The following SYT1 variants were observed in gnomAD, a reference collection of about 807,000 sequenced individuals.
SYT1 encodes the protein synaptotagmin 1.
A neutral mutation model predicts 44.8 loss-of-function variants in SYT1; 8 were observed. The ratio of observed to expected loss-of-function variants is 0.18; its 90% CI spans 0.10 to 0.32. The LOEUF (loss-of-function observed/expected upper bound fraction) is 0.32. SYT1 is among the 10% of genes least tolerant of loss of function. SYT1 has a pLI of 1.00. For missense variants in SYT1, 286 were observed against 509.3 expected (o/e 0.56, Z 4.22); for synonymous variants, 154 against 188.8 (o/e 0.82, Z 1.51).
At chr12:79,365,855 G>A (rs1043972051) in intron 9 of SYT1, among the ~76,000 whole-genome samples, 1 of 83,030 alleles carries the variant, frequency 1.2e-5, no homozygotes, top group Non-Finnish European at 2.1e-5. Flanking sequence ...AAAAAAGCAG[G>A]TCATTAGCTT....
chr12:79,027,278 C>G (rs560338323), intron 2 of SYT1, among the ~76,000 whole-genome samples: 20 of 151,554 alleles, frequency 1.3e-4, no homozygotes, highest in Admixed American at 5.9e-4. Context: ...GGCTCTCCTC[C>G]CTGTCTCCTG....
intron 3 of SYT1, among the ~76,000 whole-genome samples, chr12:79,092,568 G>T (rs1877851107): frequency 6.6e-6 from 1 of 150,840 alleles, no homozygotes; most frequent in Admixed American, 6.6e-5. Context: ...AAACAAAAAA[G>T]TCATAAAATC....
chr12:79,350,030 A>C (rs1269584300), intron 8 of SYT1, among the ~76,000 whole-genome samples: 2 of 152,122 alleles, frequency 1.3e-5, no homozygotes, highest in African/African-American at 4.8e-5. Flanking sequence ...CACTGAGGAA[A>C]TGAAAATATT....
At chr12:78,907,859 C>CT (rs1876085379) in intron 1 of SYT1, among the ~76,000 whole-genome samples, 1 of 151,966 alleles carries the variant, frequency 6.6e-6, no homozygotes, top group African/African-American at 2.4e-5. Flanking sequence ...ATCAAGATGA[C>CT]TGTTTGTACA....
At chr12:79,021,901 T>C (rs996117027) in intron 2 of SYT1, among the ~76,000 whole-genome samples, 1 of 151,338 alleles carries the variant, frequency 6.6e-6, no homozygotes, top group Non-Finnish European at 1.5e-5. Context: ...GTACGCCCCC[T>C]TTTTTTTGAA....
intron 4 of SYT1, among the ~76,000 whole-genome samples, chr12:79,242,094 C>T (rs911810108): frequency 7.2e-5 from 11 of 152,206 alleles, no homozygotes; most frequent in Non-Finnish European, 1.5e-4. Flanking sequence ...CTTGAAGCCC[C>T]TAAAACTGTG....
chr12:79,388,251 G>A (rs1172057726), intron 9 of SYT1, among the ~76,000 whole-genome samples: 3 of 152,172 alleles, frequency 2.0e-5, no homozygotes, highest in Admixed American at 1.3e-4. Context: ...TAGTTTTCTA[G>A]TTCCTTGGTC....
At chr12:79,291,124 A>G (rs1879560483) in intron 5 of SYT1, among the ~76,000 whole-genome samples, 1 of 152,244 alleles carries the variant, frequency 6.6e-6, no homozygotes, top group Non-Finnish European at 1.5e-5. Flanking sequence ...AGAGCATTTG[A>G]ATGAAACTTA....
chr12:78,888,609 T>A (rs1874875310), intron 1 of SYT1, among the ~76,000 whole-genome samples: 1 of 151,962 alleles, frequency 6.6e-6, no homozygotes, highest in Non-Finnish European at 1.5e-5. Flanking sequence ...TCTTTTCTAA[T>A]CTTGTTGGAG....
chr12:79,424,876 G>A (rs549318162), intron 9 of SYT1, among the ~76,000 whole-genome samples: 19 of 146,698 alleles, frequency 1.3e-4, no homozygotes, highest in African/African-American at 4.3e-4. Flanking sequence ...ATTAATCATT[G>A]CCCTGCTCCT....
intron 1 of SYT1, among the ~76,000 whole-genome samples, chr12:78,962,033 A>G (rs1479774224): frequency 6.6e-6 from 1 of 151,970 alleles, no homozygotes; most frequent in Non-Finnish European, 1.5e-5. Context: ...TTGTTGTTTT[A>G]TAGGTTTCTT....
At chr12:79,434,298 A>G (rs759079514) in intron 9 of SYT1, among the ~76,000 whole-genome samples, 13 of 152,344 alleles carry the variant, frequency 8.5e-5, no homozygotes, top group South Asian at 2.1e-4. Context: ...TTGTGTGTTT[A>G]CACAGAAAAT....
chr12:79,150,357 T>C (rs1592794370), intron 3 of SYT1, among the ~76,000 whole-genome samples: 3 of 152,184 alleles, frequency 2.0e-5, no homozygotes, highest in African/African-American at 7.2e-5. Context: ...CACCAAGAGA[T>C]AAATATTGCA....
At chr12:79,204,839 A>G (rs1190512314) in intron 3 of SYT1, among the ~76,000 whole-genome samples, 1 of 125,912 alleles carries the variant, frequency 7.9e-6, no homozygotes, top group African/African-American at 3.0e-5. Flanking sequence ...GCTGGAGTGC[A>G]GTGGTGCAAT....
At chr12:79,191,830 C>T (rs1873148238) in intron 3 of SYT1, among the ~76,000 whole-genome samples, 1 of 151,852 alleles carries the variant, frequency 6.6e-6, no homozygotes, top group African/African-American at 2.4e-5. Context: ...GGGACATATA[C>T]CTGAATAACC....
At chr12:79,071,513 A>G (rs1228182375) in intron 3 of SYT1, among the ~76,000 whole-genome samples, 1 of 152,194 alleles carries the variant, frequency 6.6e-6, no homozygotes, top group East Asian at 1.9e-4. Context: ...TTAAATGCCT[A>G]CTATATTTGT....
At chr12:79,257,328 T>C (rs192867854) in intron 4 of SYT1, among the ~76,000 whole-genome samples, 1 of 152,358 alleles carries the variant, frequency 6.6e-6, no homozygotes, top group East Asian at 1.9e-4. Context: ...CTAAATGATA[T>C]GTTTGTCGCA....
chr12:79,179,430 A>C (rs1256101705), intron 3 of SYT1, among the ~76,000 whole-genome samples: 1 of 4,002 alleles, frequency 2.5e-4, no homozygotes, highest in African/African-American at 6.5e-4. Context: ...ATATCTATAT[A>C]GATATATCCA....
intron 3 of SYT1, among the ~76,000 whole-genome samples, chr12:79,098,621 AT>A (rs1188985010): frequency 3.9e-5 from 6 of 152,272 alleles, no homozygotes; most frequent in African/African-American, 1.4e-4. Context: ...AGAAAAAAAC[AT>A]TTAATGTTCT....
Sources: allele counts gnomAD v4.1 joint callset (sites outside exome capture counted in the v4.1 genomes callset), GRCh38; gene constraint gnomAD v4.1.1; transcripts MANE v1.5; gene names NCBI Gene and HGNC (gene_info 2026-07-23, HGNC 2026-07-21).